Variants in ROR2 observed in about 807,000 individuals in gnomAD.
ROR2 encodes ROR family WNT receptor 2, also known as tyrosine-protein kinase transmembrane receptor ROR2.
ROR2 carries 33 observed loss-of-function variants against 74.9 expected under a neutral mutation model. That is an observed-to-expected ratio of 0.44 (90% CI 0.33 to 0.59). The LOEUF is 0.59. Among genes scored for constraint, ROR2 ranks in the 20% least tolerant of loss-of-function variants. The pLI is 0.02. For synonymous variants in ROR2, 586 were observed against 558.7 expected, an observed-to-expected ratio of 1.05 and a Z score of -0.69; for missense variants, 1,216 against 1,313.8, an observed-to-expected ratio of 0.93 and a Z score of 1.15.
chr9:91,766,596 C>G (rs1284474030), intron 2 of ROR2, among the ~76,000 whole-genome samples: 1 of 152,194 alleles, frequency 6.6e-6, no homozygotes, highest in Non-Finnish European at 1.5e-5. Flanking sequence ...ATATTTCTTT[C>G]TCCATTGGTG....
intron 4 of ROR2, among the ~76,000 whole-genome samples, chr9:91,743,152 G>C (rs188691769): frequency 1.7e-4 from 26 of 152,284 alleles, no homozygotes; most frequent in Non-Finnish European, 2.5e-4. Context: ...CTGTATAACA[G>C]AGTGGATACA....
chr9:91,948,858 C>G, intron 1 of ROR2: 1 of 985,500 alleles, frequency 1.0e-6, no homozygotes, highest in South Asian at 4.7e-5. Context: ...TCCACCCCCG[C>G]AGGGTGCCGA....
intron 1 of ROR2, among the ~76,000 whole-genome samples, chr9:91,834,030 C>G (rs1370476724): frequency 6.6e-6 from 1 of 152,182 alleles, no homozygotes; most frequent in Non-Finnish European, 1.5e-5. Flanking sequence ...TCCCCCTGGG[C>G]CTGCAGACTG....
At chr9:91,904,711 C>A (rs1881384) in intron 1 of ROR2, among the ~76,000 whole-genome samples, 38,534 of 152,140 alleles carry the variant, frequency 0.25, 5,289 homozygotes, top group Admixed American at 0.42. Context: ...CACCCCAGCG[C>A]CCTGGCTCCT....
At chr9:91,861,818 G>C (rs953312382) in intron 1 of ROR2, among the ~76,000 whole-genome samples, 2 of 152,146 alleles carry the variant, frequency 1.3e-5, no homozygotes, top group African/African-American at 2.4e-5. Flanking sequence ...CAAAATGGGA[G>C]AAAGTACTTT....
At chr9:91,926,346 G>A (rs533015302) in intron 1 of ROR2, among the ~76,000 whole-genome samples, 1 of 151,510 alleles carries the variant, frequency 6.6e-6, no homozygotes, top group South Asian at 2.1e-4. Flanking sequence ...TCATGCCACT[G>A]CACTCTAGCC....
intron 1 of ROR2, among the ~76,000 whole-genome samples, chr9:91,819,477 T>C (rs1282651576): frequency 6.6e-6 from 1 of 152,038 alleles, no homozygotes; most frequent in African/African-American, 2.4e-5. Flanking sequence ...TGTGTCTCTT[T>C]GTGTATCTTT....
Position 91,757,436 on chromosome 9 carries a change from G to T in ROR2, c.299C>A (p.Ala100Asp). 4 of 1,613,976 alleles carry T rather than the reference G, an allele frequency of 2.5e-6. No individual in the cohort carries two copies. The highest frequency in any genetic ancestry group is 3.4e-6 in the Non-Finnish European group (4 of 1,180,012). ...CCGCCGCGGCTCCTGCACCACCGGG[G>T]CATCATTCTTTAGCCACCGCACGTT... ...PPNVRWLKND[A>D]PVVQEPRRII... The change falls in exon 3 of 9, where the codon GCC becomes GAC. Residue 100 changes from alanine to aspartate, a missense_variant. Ala to Asp is a moderately radical substitution (Grantham distance 126). Transcript: ENST00000375708.
At chr9:91,832,367 CAA>C (rs10677451) in intron 1 of ROR2, among the ~76,000 whole-genome samples, 294 of 38,318 alleles carry the variant, frequency 7.7e-3, no homozygotes, top group African/African-American at 0.026. Flanking sequence ...GTCACAATGG[CAA>C]AAAAAAAAAA....
At chr9:91,926,409 G>A (rs1423180259) in intron 1 of ROR2, among the ~76,000 whole-genome samples, 1 of 150,776 alleles carries the variant, frequency 6.6e-6, no homozygotes, top group Admixed American at 6.6e-5. Context: ...AGCTGGGCGT[G>A]GTGGCACATG....
Position 91,822,959 on chromosome 9 carries a change from G to A in ROR2, c.98-47141C>T, listed in dbSNP as rs143902609. Among the ~76,000 whole-genome samples, 1,045 of 152,268 alleles carry A rather than the reference G, an allele frequency of 6.9e-3. 6 individuals carry two copies. Among genetic ancestry groups the A allele is most frequent in the Middle Eastern group, 0.031 (9 of 294 alleles). On this transcript the variant is annotated intron_variant, in intron 1 of 8. Coordinates refer to ENST00000375708, the MANE Select transcript of ROR2 (RefSeq NM_004560.4). ...AAGGGAGACAGTAAGAAACATCACCGGAGGGAACAGTCACACTAATTCAAA... is the reference window on the plus strand; with the variant it reads ...AAGGGAGACAGTAAGAAACATCACCAGAGGGAACAGTCACACTAATTCAAA...
chr9:91,725,161 G>A (rs1836982629), intron 8 of ROR2, 54 bp from the exon 9 acceptor site: 13 of 1,607,414 alleles, frequency 8.1e-6, no homozygotes, highest in South Asian at 1.1e-5. Context: ...AGCCCTGGAG[G>A]AAGCTGCAGA....
chr9:91,901,803 C>CA (rs369341148), intron 1 of ROR2, among the ~76,000 whole-genome samples: 1,006 of 61,890 alleles, frequency 0.016, 10 homozygotes, highest in African/African-American at 0.042. Flanking sequence ...GACTCCATCT[C>CA]AAAAAAAAAA....
intron 4 of ROR2, among the ~76,000 whole-genome samples, chr9:91,755,161 G>C (rs1003005938): frequency 6.7e-6 from 1 of 149,044 alleles, no homozygotes; most frequent in Non-Finnish European, 1.5e-5. Context: ...TATTTGGGGG[G>C]GGAAAAAAAT....
At chr9:91,747,162 G>A (rs1825448192) in intron 4 of ROR2, among the ~76,000 whole-genome samples, 1 of 152,242 alleles carries the variant, frequency 6.6e-6, no homozygotes, top group African/African-American at 2.4e-5. Flanking sequence ...CGCTGAGTCA[G>A]CTTGGATAAC....
intron 2 of ROR2, among the ~76,000 whole-genome samples, chr9:91,769,361 G>A (rs924436033): frequency 1.3e-5 from 2 of 152,120 alleles, no homozygotes; most frequent in Admixed American, 6.5e-5. Flanking sequence ...AATGAGCATG[G>A]AGCCCACCCT....
At chr9:91,771,290 C>A (rs1437822636) in intron 2 of ROR2, among the ~76,000 whole-genome samples, 1 of 152,218 alleles carries the variant, frequency 6.6e-6, no homozygotes, top group Admixed American at 6.5e-5. Flanking sequence ...CACATCACCC[C>A]GCCCCAGCCT....
intron 1 of ROR2, among the ~76,000 whole-genome samples, chr9:91,817,959 G>A (rs999237782): frequency 1.3e-5 from 2 of 152,118 alleles, no homozygotes; most frequent in African/African-American, 4.8e-5. Context: ...GGGAAAGGGA[G>A]CCTCAACACG....
At chr9:91,867,668 G>C (rs911408255) in intron 1 of ROR2, among the ~76,000 whole-genome samples, 10 of 146,824 alleles carry the variant, frequency 6.8e-5, no homozygotes, top group Admixed American at 6.7e-5. Flanking sequence ...GTGTGTGTGT[G>C]TGTGTGTGTG....
Sources: allele counts gnomAD v4.1 joint callset (sites outside exome capture counted in the v4.1 genomes callset), GRCh38; gene constraint gnomAD v4.1.1; transcripts MANE v1.5; gene names NCBI Gene and HGNC (gene_info 2026-07-23, HGNC 2026-07-21).